The following AFF4 variants were observed in gnomAD, a reference collection of about 807,000 sequenced individuals.
AFF4 encodes the protein ALF transcription elongation factor 4.
AFF4 carries 13 observed loss-of-function variants against 124.8 expected under a neutral mutation model. The ratio of observed to expected loss-of-function variants is 0.10; its 90% CI spans 0.07 to 0.17. The LOEUF (loss-of-function observed/expected upper bound fraction) is 0.17. AFF4 is among the 10% of genes least tolerant of loss of function. AFF4 has a pLI of 1.00. For synonymous variants in AFF4, 477 were observed against 496.1 expected (o/e 0.96, Z 0.51); for missense variants, 1,092 against 1,403.8 (o/e 0.78, Z 3.55).
At chr5:132,932,245 A>G (rs771270358) in intron 3 of AFF4, 23 bp from the exon 4 acceptor site, 25 of 1,593,950 alleles carry the variant, frequency 1.6e-5, no homozygotes, top group East Asian at 2.3e-5. Flanking sequence ...AGCAGCACAC[A>G]TTAGATTTTT....
At chr5:132,947,746 C>T (rs1761734035) in intron 1 of AFF4, among the ~76,000 whole-genome samples, 1 of 152,138 alleles carries the variant, frequency 6.6e-6, no homozygotes, top group Non-Finnish European at 1.5e-5. Context: ...AATTTCTCTA[C>T]CCATGAGACA....
intron 5 of AFF4, among the ~76,000 whole-genome samples, chr5:132,908,968 A>G (rs1001241220): frequency 2.0e-5 from 3 of 150,040 alleles, no homozygotes; most frequent in African/African-American, 7.4e-5. Flanking sequence ...ACAGGGTTTC[A>G]CTGTGTTGGC....
In AFF4 at chr5:132,893,290, C is replaced by T. The variant is rs141201436; in HGVS notation, c.2308-172G>A. On this transcript the variant is annotated intron_variant, in intron 11 of 20. Coordinates refer to ENST00000265343, the MANE Select transcript of AFF4 (RefSeq NM_014423.4). ...GAAGATGAGGTTTTAAGGCTGAGGT[C>T]GCCTATTTTAGATACACAAAACCCA... Among the ~76,000 whole-genome samples the T allele has an allele frequency of 9.2e-5, 14 of 152,210 alleles. No individual in the cohort carries two copies. In the East Asian group the frequency reaches 2.7e-3, roughly 29 times the overall value.
At chr5:132,905,649 AAAAAC>A (rs554118687) in intron 5 of AFF4, among the ~76,000 whole-genome samples, 8 of 152,214 alleles carry the variant, frequency 5.3e-5, no homozygotes, top group East Asian at 1.9e-4. Context: ...ACATCATATT[AAAAAC>A]AAAACAAAAC....
At chr5:132,924,994 G>A (rs545237893) in intron 5 of AFF4, among the ~76,000 whole-genome samples, 3 of 152,040 alleles carry the variant, frequency 2.0e-5, no homozygotes, top group African/African-American at 7.2e-5. Flanking sequence ...GGCCAACATG[G>A]TGAAACCCTG....
intron 1 of AFF4, among the ~76,000 whole-genome samples, chr5:132,938,666 G>A (rs369891924): frequency 3.3e-5 from 5 of 152,008 alleles, no homozygotes; most frequent in South Asian, 2.1e-4. Context: ...GCAATTTAAC[G>A]GCCTGAGCGG....
At chr5:132,894,938 TA>T (rs1760350865) in intron 11 of AFF4, among the ~76,000 whole-genome samples, 1 of 152,034 alleles carries the variant, frequency 6.6e-6, no homozygotes, top group South Asian at 2.1e-4. Context: ...GGTGACAGAG[TA>T]ATACCCTGTC....
rs739863 is a variant in AFF4 at position 132,896,623 on chromosome 5, G to C, written c.2007C>G (p.Pro669=). The C allele has an allele frequency of 8.4e-5, 135 of 1,613,966 alleles. 1 individual carries two copies. The South Asian group carries it at 1.4e-3, about 17-fold the overall frequency. ...LPPSSQTPKY[P]ESNRTPVKPS... is the part of the protein sequence containing the mutation. ...GTTTAACAGGAGTCCTATTGCTCTCGGGGTACTTAGGAGTTTGTGAGGAAG... is the reference window on the plus strand; with the variant it reads ...GTTTAACAGGAGTCCTATTGCTCTCCGGGTACTTAGGAGTTTGTGAGGAAG... Residue 669 remains proline (P), a synonymous_variant, in exon 11 of 21, where the codon CCC becomes CCG. Transcript: ENST00000265343.
chr5:132,943,185 C>G (rs1214447681), intron 1 of AFF4: 2 of 178,332 alleles, frequency 1.1e-5, no homozygotes, highest in Admixed American at 1.1e-4. Flanking sequence ...GACTTACACA[C>G]TGGGTGTGAA....
intron 1 of AFF4, among the ~76,000 whole-genome samples, chr5:132,953,913 G>A (rs1761896034): frequency 1.3e-5 from 2 of 152,124 alleles, no homozygotes; most frequent in South Asian, 4.1e-4. Flanking sequence ...ACACAAGTCA[G>A]GTCAGATTGC....
chr5:132,906,459 A>G lies in AFF4; in HGVS notation c.1051-2055T>C, dbSNP rs530924265. Among the ~76,000 whole-genome samples the G allele has an allele frequency of 5.3e-5, 8 of 152,350 alleles. No individual in the cohort carries two copies. In the South Asian group the frequency reaches 1.7e-3, roughly 32 times the overall value. On this transcript the variant is annotated intron_variant, in intron 5 of 20. Coordinates refer to ENST00000265343, the MANE Select transcript of AFF4 (RefSeq NM_014423.4). The stretch of plus-strand genomic sequence containing the variant: ...AAGGAATGAAGTACTGTTACATGCT[A>G]CAACTTAGATGAATCTTAAAAACAT...
At chr5:132,884,774 A>G (rs1760073475) in intron 19 of AFF4, among the ~76,000 whole-genome samples, 1 of 152,222 alleles carries the variant, frequency 6.6e-6, no homozygotes, top group African/African-American at 2.4e-5. Flanking sequence ...CTGACTAAAG[A>G]TAAGCCTGCT....
At chr5:132,911,420 A>C (rs183848028) in intron 5 of AFF4, among the ~76,000 whole-genome samples, 2 of 152,210 alleles carry the variant, frequency 1.3e-5, no homozygotes, top group Non-Finnish European at 2.9e-5. Flanking sequence ...ATTTTTATTG[A>C]TAACATGTCT....
At chr5:132,950,546 G>A (rs1467306224) in intron 1 of AFF4, among the ~76,000 whole-genome samples, 3 of 152,170 alleles carry the variant, frequency 2.0e-5, no homozygotes, top group Non-Finnish European at 4.4e-5. Flanking sequence ...CTACTCGGGA[G>A]GCTGAGGTAG....
intron 20 of AFF4, among the ~76,000 whole-genome samples, chr5:132,883,092 A>G (rs1418056830): frequency 6.6e-6 from 1 of 152,158 alleles, no homozygotes; most frequent in Non-Finnish European, 1.5e-5. Context: ...GCCAGAATAT[A>G]AGCACATTTG....
chr5:132,908,208 A>G (rs188757855), intron 5 of AFF4, among the ~76,000 whole-genome samples: 2 of 152,162 alleles, frequency 1.3e-5, no homozygotes, highest in Admixed American at 1.3e-4. Flanking sequence ...CTACTTATGT[A>G]TAAGATTAAA....
At chr5:132,882,402 C>G (rs1760004369) in intron 20 of AFF4, among the ~76,000 whole-genome samples, 1 of 152,152 alleles carries the variant, frequency 6.6e-6, no homozygotes, top group Non-Finnish European at 1.5e-5. Context: ...TAAAGAGAAG[C>G]TGCATGCACA....
At chr5:132,926,388 A>T in intron 5 of AFF4, 1 of 253,308 alleles carries the variant, frequency 3.9e-6, no homozygotes, top group South Asian at 4.7e-5. Flanking sequence ...GATTTTAAAC[A>T]ACCTTGGAAC....
intron 1 of AFF4, among the ~76,000 whole-genome samples, chr5:132,962,742 T>C (rs981077859): frequency 2.6e-5 from 4 of 151,648 alleles, no homozygotes; most frequent in African/African-American, 4.8e-5. Context: ...TCGAGTATTA[T>C]ACCCCCACGT....
Sources: gnomAD v4.1 joint callset for allele counts (sites outside exome capture counted in the v4.1 genomes callset) on GRCh38, gnomAD v4.1.1 for gene constraint, MANE v1.5 for transcripts, NCBI Gene and HGNC (gene_info 2026-07-23, HGNC 2026-07-21) for gene names.